KCNMA1: variants seen among roughly 807,000 people sequenced by gnomAD.
KCNMA1 encodes the protein Calcium-activated potassium channel subunit alpha-1.
KCNMA1 carries 29 observed loss-of-function variants against 140.0 expected under a neutral mutation model. The ratio of observed to expected loss-of-function variants is 0.21; its 90% CI spans 0.15 to 0.28. The LOEUF (loss-of-function observed/expected upper bound fraction) is 0.28. KCNMA1 is among the 10% of genes least tolerant of loss of function. The pLI is 1.00. For missense variants in KCNMA1, 880 were observed against 1,602.2 expected (o/e 0.55, Z 7.70); for synonymous variants, 612 against 611.9 (o/e 1.00, Z 0.00).
intron 1 of KCNMA1, among the ~76,000 whole-genome samples, chr10:77,606,464 G>C (rs1228310523): frequency 6.6e-6 from 1 of 152,126 alleles, no homozygotes; most frequent in Non-Finnish European, 1.5e-5. Flanking sequence ...TAAAAAATTA[G>C]CTGGGCACAG....
At chr10:76,991,188 C>T (rs1275769625) in intron 19 of KCNMA1, among the ~76,000 whole-genome samples, 1 of 152,164 alleles carries the variant, frequency 6.6e-6, no homozygotes, top group Non-Finnish European at 1.5e-5. Context: ...TTATGCTGCC[C>T]TGACTCACAC....
intron 3 of KCNMA1, among the ~76,000 whole-genome samples, chr10:77,212,127 C>T (rs1048490361): frequency 2.0e-5 from 3 of 152,180 alleles, no homozygotes; most frequent in East Asian, 3.9e-4. Flanking sequence ...GATAATTATA[C>T]CAAAAAAACA....
intron 1 of KCNMA1, among the ~76,000 whole-genome samples, chr10:77,619,279 T>C (rs886806212): frequency 3.3e-5 from 5 of 151,610 alleles, no homozygotes; most frequent in Admixed American, 3.3e-4. Flanking sequence ...TTCACACATA[T>C]GCGTGGTGCC....
chr10:77,093,402 C>T (rs2096859838), intron 9 of KCNMA1, among the ~76,000 whole-genome samples: 1 of 152,150 alleles, frequency 6.6e-6, no homozygotes, highest in African/African-American at 2.4e-5. Flanking sequence ...TATGGCCTCC[C>T]CCTTTTGTGC....
intron 2 of KCNMA1, among the ~76,000 whole-genome samples, chr10:77,302,285 G>C (rs1457953051): frequency 6.6e-6 from 1 of 152,174 alleles, no homozygotes; most frequent in African/African-American, 2.4e-5. Flanking sequence ...TATTGGTTGA[G>C]AATCCTCTCT....
intron 2 of KCNMA1, among the ~76,000 whole-genome samples, chr10:77,391,533 C>T (rs1231124344): frequency 1.3e-5 from 2 of 152,192 alleles, no homozygotes; most frequent in African/African-American, 4.8e-5. Flanking sequence ...ACTACTCAAA[C>T]AGGAGAGAAT....
intron 5 of KCNMA1, among the ~76,000 whole-genome samples, chr10:77,161,615 T>C (rs2098555483): frequency 6.6e-6 from 1 of 152,216 alleles, no homozygotes; most frequent in Non-Finnish European, 1.5e-5. Context: ...CACACTAGGT[T>C]CCATCATTCA....
chr10:77,514,891 C>T (rs1198635277), intron 1 of KCNMA1, among the ~76,000 whole-genome samples: 1 of 152,030 alleles, frequency 6.6e-6, no homozygotes, highest in African/African-American at 2.4e-5. Flanking sequence ...GAGCTACTGC[C>T]TGTTTTGTTT....
chr10:77,053,356 C>T (rs2095437510), intron 14 of KCNMA1, among the ~76,000 whole-genome samples: 1 of 152,198 alleles, frequency 6.6e-6, no homozygotes. Context: ...CAAATCTTCA[C>T]TGTTGCAGAG....
chr10:77,397,665 T>C (rs192750392), intron 2 of KCNMA1, among the ~76,000 whole-genome samples: 19 of 152,346 alleles, frequency 1.2e-4, no homozygotes, highest in African/African-American at 4.3e-4. Context: ...TTTTGTCACA[T>C]GGATATTTTG....
intron 5 of KCNMA1, among the ~76,000 whole-genome samples, chr10:77,157,546 AAAT>A (rs1472474236): frequency 1.3e-5 from 2 of 148,536 alleles, no homozygotes. Flanking sequence ...TTAAATAATA[AAAT>A]AATTATTTTG....
At chr10:77,040,248 G>C (rs1175353381) in intron 14 of KCNMA1, among the ~76,000 whole-genome samples, 1 of 151,990 alleles carries the variant, frequency 6.6e-6, no homozygotes, top group African/African-American at 2.4e-5. Context: ...CAAGGAAATT[G>C]ATACAACTGT....
chr10:77,145,489 C>T (rs886897349), intron 5 of KCNMA1, among the ~76,000 whole-genome samples: 11 of 152,164 alleles, frequency 7.2e-5, no homozygotes, highest in African/African-American at 2.7e-4. Flanking sequence ...CCCATGGTGC[C>T]ACCTGGTATT....
At chr10:76,995,210 T>C (rs924933628) in intron 19 of KCNMA1, 3 of 163,162 alleles carry the variant, frequency 1.8e-5, no homozygotes, top group African/African-American at 7.2e-5. Flanking sequence ...TAGAGAGAAA[T>C]TAAATGCAAC....
At chr10:77,123,044 GT>G (rs1004442402) in intron 5 of KCNMA1, among the ~76,000 whole-genome samples, 3 of 151,346 alleles carry the variant, frequency 2.0e-5, no homozygotes, top group African/African-American at 7.3e-5. Context: ...GCCGGGCGTG[GT>G]GGCGGGCGCC....
chr10:77,176,258 T>C (rs904760600), intron 5 of KCNMA1, among the ~76,000 whole-genome samples: 6 of 152,224 alleles, frequency 3.9e-5, no homozygotes, highest in African/African-American at 1.4e-4. Flanking sequence ...TGGTCTCATT[T>C]GGGTTTCTCT....
At chr10:77,598,089 A>C (rs911095187) in intron 1 of KCNMA1, among the ~76,000 whole-genome samples, 1 of 152,096 alleles carries the variant, frequency 6.6e-6, no homozygotes, top group African/African-American at 2.4e-5. Flanking sequence ...CTCCTGCCTC[A>C]GCCTCCCCAG....
At chr10:77,012,488 A>G in intron 17 of KCNMA1, 4 of 1,550,356 alleles carry the variant, frequency 2.6e-6, no homozygotes, top group Non-Finnish European at 3.5e-6. Flanking sequence ...TCAGTCAAAT[A>G]AAAATATCAA....
chr10:77,011,858 CAAG>C, intron 18 of KCNMA1, 106 bp downstream of exon 18: 1 of 952,314 alleles, frequency 1.1e-6, no homozygotes, highest in Middle Eastern at 2.1e-4. Context: ...TAAACATACT[CAAG>C]AAAACTCTCG....
Sources: gnomAD v4.1 joint callset for allele counts (sites outside exome capture counted in the v4.1 genomes callset) on GRCh38, gnomAD v4.1.1 for gene constraint, MANE v1.5 for transcripts, NCBI Gene and HGNC (gene_info 2026-07-23, HGNC 2026-07-21) for gene names.